The following TYSND1 variants were observed in gnomAD, a reference collection of about 807,000 sequenced individuals.
TYSND1 encodes trypsin like peroxisomal matrix peptidase 1.
Under a neutral mutation model 37.2 loss-of-function variants are expected in TYSND1, and 30 were observed. That is an observed-to-expected ratio of 0.81 (90% CI 0.60 to 1.09). The LOEUF (loss-of-function observed/expected upper bound fraction) is 1.09, where lower values mean the gene tolerates loss of function less well. Among genes scored for constraint, TYSND1 ranks in the 50% least tolerant of loss-of-function variants. The pLI is 0.00. For missense variants in TYSND1, 806 were observed against 817.4 expected, an observed-to-expected ratio of 0.99 and a Z score of 0.17; for synonymous variants, 364 against 383.8, an observed-to-expected ratio of 0.95 and a Z score of 0.60.
chr10:70,144,511 G>GT, intron 1 of TYSND1: 1 of 987,944 alleles, frequency 1.0e-6, no homozygotes, highest in Non-Finnish European at 1.2e-6. Flanking sequence ...AGCACACGAC[G>GT]TGACAGGCTC....
At chr10:70,140,973 T>G (rs1462227646) in intron 3 of TYSND1, among the ~76,000 whole-genome samples, 1 of 151,526 alleles carries the variant, frequency 6.6e-6, no homozygotes, top group Non-Finnish European at 1.5e-5. Context: ...ATTTACAGTT[T>G]TTTTTTTTGT....
At chr10:70,143,779 C>G in intron 2 of TYSND1, 63 bp downstream of exon 2, 1 of 1,595,310 alleles carries the variant, frequency 6.3e-7, no homozygotes, top group Non-Finnish European at 8.5e-7. Flanking sequence ...CACTGATTCT[C>G]CTTCCTGAGG....
In TYSND1 at chr10:70,140,041, C is replaced by T. The variant is rs1032120159; in HGVS notation, c.1584G>A (p.Gln528=). The T allele has an allele frequency of 6.2e-7, 1 of 1,614,196 alleles. No individual in the cohort carries two copies. Among genetic ancestry groups the T allele is most frequent in the Non-Finnish European group, 8.5e-7 (1 of 1,180,008 alleles). ...CACCTAGGTCTTGGGTCTGGCTGTA[C>T]TGCTGCAGGGCCGGCTGGAGCACCG... ...PITVLQPALQ[Q]YSQTQDLGGL... is the part of the protein sequence containing the mutation. The change falls in exon 4 of 4, where the codon CAG becomes CAA. Residue 528 remains glutamine (Q), a synonymous_variant. Coordinates refer to ENST00000287078, the MANE Select transcript of TYSND1 (RefSeq NM_173555.4).
intron 1 of TYSND1, chr10:70,144,217 T>C (rs1380319956): frequency 7.6e-6 from 4 of 524,616 alleles, no homozygotes; most frequent in Non-Finnish European, 1.3e-5. Context: ...GTGAGCACTG[T>C]GGGCCAGGTT....
chr10:70,143,727 G>GGACCTT, intron 2 of TYSND1, 115 bp downstream of exon 2: 1 of 1,337,280 alleles, frequency 7.5e-7, no homozygotes, highest in Non-Finnish European at 1.0e-6. Flanking sequence ...AGGCCTCCAA[G>GGACCTT]GACCTTGACC....
In TYSND1 at chr10:70,142,795, C is replaced by T; in HGVS notation, c.1356G>A (p.Val452=). ...GVFGQSCGPS[V]TSGILSAVVQ... ...CCACAGCCGAAAGGATGCCTGAGGTCACCGAGGGCCCGCAAGACTGGCCAA... is the reference window on the plus strand; with the variant it reads ...CCACAGCCGAAAGGATGCCTGAGGTTACCGAGGGCCCGCAAGACTGGCCAA... Residue 452 remains valine, a synonymous_variant, in exon 3 of 4, where the codon GTG becomes GTA. Coordinates refer to ENST00000287078, the MANE Select transcript of TYSND1 (RefSeq NM_173555.4). 1 of 1,614,146 alleles carries T rather than the reference C, an allele frequency of 6.2e-7. No homozygotes were observed. The highest frequency in any genetic ancestry group is 8.5e-7 in the Non-Finnish European group (1 of 1,180,026).
chr10:70,146,101 CGAGAAGCGCCA>C lies in TYSND1; in HGVS notation c.475_485del (p.Trp159GlufsTer6). On this transcript the variant is annotated frameshift_variant, in exon 1 of 4. Coordinates refer to ENST00000287078, the MANE Select transcript of TYSND1 (RefSeq NM_173555.4). LOFTEE classifies it high-confidence loss of function. ...ACACTTCGTCATCCCGCGCCGCGCT[CGAGAAGCGCCA>C]CTGTTCCGCTGCCTCGTCCCCGAAG... 6.4e-7 allele frequency: 1 copy of C among 1,574,354 alleles called. No individual in the cohort carries two copies. The highest frequency in any genetic ancestry group is 8.6e-7 in the Non-Finnish European group (1 of 1,161,108).
chr10:70,146,675 G>C lies in TYSND1; in HGVS notation c.-89C>G, dbSNP rs1191592298. 7.7e-7 allele frequency: 1 copy of C among 1,295,594 alleles called. No homozygotes were observed. The highest frequency in any genetic ancestry group is 1.0e-6 in the Non-Finnish European group (1 of 988,544). The allele number at this position is 1,295,594 out of a possible 1,614,324, so 80.3% of individuals were successfully genotyped here. On this transcript the variant is annotated 5_prime_UTR_variant, in exon 1 of 4. Coordinates refer to ENST00000287078, the MANE Select transcript of TYSND1 (RefSeq NM_173555.4). ...TACCCGGTCCGGCTGAAGCTGCCTA[G>C]CGCCACCCACAGCTGGAAGCGAGAG...
At chr10:70,144,168 C>T in intron 1 of TYSND1, 196 bp from the exon 2 acceptor site, 1 of 649,658 alleles carries the variant, frequency 1.5e-6, no homozygotes, top group Admixed American at 3.1e-5. Context: ...TGCTACTTCT[C>T]TAAAGCTTCC....
rs779983570 is a variant in TYSND1 at position 70,145,435 on chromosome 10, GCGCA to G, written c.1148_1151del (p.Val383AlafsTer26). On this transcript the variant is annotated frameshift_variant, in exon 1 of 4. Coordinates refer to ENST00000287078, the MANE Select transcript of TYSND1 (RefSeq NM_173555.4). LOFTEE classifies it high-confidence loss of function. The stretch of plus-strand genomic sequence containing the variant: ...TGCGGGCTTACTTGGGGGTGGTGGA[GCGCA>G]CCAGGACCCTGGCTGCTTCCCGAGG... 1 of 1,439,928 alleles carries G rather than the reference GCGCA, an allele frequency of 6.9e-7. No individual in the cohort carries two copies. The highest frequency in any genetic ancestry group is 2.8e-5 in the Admixed American group (1 of 35,410). 89.2% of individuals were successfully genotyped at this position (1,439,928 alleles called of 1,614,324 possible). A position where few individuals can be genotyped will look rare whatever the true frequency, so the allele number is the denominator to read the frequency against.
chr10:70,140,121 G>A lies in TYSND1; in HGVS notation c.1504C>T (p.Arg502Trp), dbSNP rs141886112. Reference protein sequence around the residue: ...NLLGIITSNTRDNNTGATYPH... With the variant: ...NLLGIITSNTWDNNTGATYPH... ...TAGGTGGCCCCCGTATTATTGTCCC[G>A]GGTGTTGCTGGTGATTATGCCTGTT... is the stretch of plus-strand genomic sequence containing the variant. The change falls in exon 4 of 4, where the codon CGG (arginine) becomes TGG (tryptophan). Residue 502 changes from arginine to tryptophan, a missense_variant. Around this residue, in one of 3 missense-constraint regions of TYSND1, gnomAD observed 708 missense variants for 705.4 expected, o/e 1.00. Transcript: ENST00000287078. The A allele has an allele frequency of 2.5e-5, 40 of 1,610,810 alleles. No individual in the cohort carries two copies. Among genetic ancestry groups the A allele is most frequent in the Middle Eastern group, 1.6e-4 (1 of 6,072 alleles).
intron 2 of TYSND1, among the ~76,000 whole-genome samples, chr10:70,143,237 T>A (rs1461612288): frequency 3.9e-5 from 6 of 152,228 alleles, no homozygotes; most frequent in Admixed American, 6.5e-5. Flanking sequence ...GAAATGGTGA[T>A]GATGGCTATA....
chr10:70,145,735 A>C lies in TYSND1; in HGVS notation c.852T>G (p.Cys284Trp), dbSNP rs1839192558. 7.0e-7 allele frequency: 1 copy of C among 1,425,246 alleles called. No homozygotes were observed. Among genetic ancestry groups the C allele is most frequent in the Admixed American group, 3.0e-5 (1 of 33,842 alleles). The allele number at this position is 1,425,246 out of a possible 1,614,324, so 88.3% of individuals were successfully genotyped here. The change falls in exon 1 of 4, where the codon TGT becomes TGG. Residue 284 changes from cysteine to tryptophan, a missense_variant. Physicochemically the swap from Cys to Trp is radical, Grantham distance 215. Transcript: ENST00000287078. ...ALVALVVAPL[C>W]WKAGEWVGFT... ...AGCCCACCCATTCGCCGGCCTTCCA[A>C]CAGAGCGGCGCCACCACCAGCGCCA... is the stretch of plus-strand genomic sequence containing the variant.
In TYSND1 at chr10:70,146,579, C is replaced by A; in HGVS notation, c.8G>T (p.Arg3Met). The change falls in exon 1 of 4, where the codon AGG (arginine) becomes ATG (methionine). Residue 3 changes from arginine to methionine, a missense_variant. Physicochemically the swap from Arg to Met is moderately conservative, Grantham distance 91. This residue lies in a region of TYSND1 where 84 missense variants were observed against 79.0 expected (regional missense o/e 1.06). Transcript: ENST00000287078. ...CGCCCTCATGGCAGACCCCCACTGC[C>A]TTCTCATGGCCTCTAGGCCGGACAC... Reference protein sequence around the residue: MRRQWGSAMRAAE... With the variant: MRMQWGSAMRAAE... 1.3e-6 allele frequency: 2 copies of A among 1,561,626 alleles called. No homozygotes were observed. The highest frequency in any genetic ancestry group is 1.7e-6 in the Non-Finnish European group (2 of 1,162,044).
rs752722001 is a variant in TYSND1 at position 70,142,789 on chromosome 10, T to C, written c.1362A>G (p.Ser454=). ...CCTGCACCACAGCCGAAAGGATGCC[T>C]GAGGTCACCGAGGGCCCGCAAGACT... is the stretch of plus-strand genomic sequence containing the variant. ...FGQSCGPSVT[S]GILSAVVQVN... is the part of the protein sequence containing the mutation. Residue 454 remains serine (S), a synonymous_variant, in exon 3 of 4, where the codon TCA becomes TCG. Transcript: ENST00000287078. 1.2e-5 allele frequency: 19 copies of C among 1,613,972 alleles called. No homozygotes were observed. In the Admixed American group the frequency reaches 2.5e-4, roughly 21 times the overall value.
chr10:70,145,398 T>G (rs376923738), intron 1 of TYSND1, 23 bp downstream of exon 1: 26 of 1,387,342 alleles, frequency 1.9e-5, no homozygotes, highest in Non-Finnish European at 2.4e-5. Context: ...AGGGATGAAG[T>G]GGCGTCAGCC....
At chr10:70,144,129 T>C in intron 1 of TYSND1, 157 bp from the exon 2 acceptor site, 2 of 866,024 alleles carry the variant, frequency 2.3e-6, no homozygotes, top group Non-Finnish European at 3.5e-6. Context: ...AACCATTCTG[T>C]GGTATCTCCA....
Position 70,140,086 on chromosome 10 carries a change from C to G in TYSND1, c.1539G>C (p.Leu513=), listed in dbSNP as rs752958407. Reference sequence around the variant, plus strand: ...GCACCGTGATGGGAATGCTGAAGTTCAGGTGGGGGTAGGTGGCCCCCGTAT... The same window carrying G: ...GCACCGTGATGGGAATGCTGAAGTTGAGGTGGGGGTAGGTGGCCCCCGTAT... ...DNNTGATYPH[L]NFSIPITVLQ... The change falls in exon 4 of 4, where the codon CTG becomes CTC. Residue 513 remains leucine, a synonymous_variant. Transcript: ENST00000287078. The G allele has an allele frequency of 6.2e-7, 1 of 1,614,012 alleles. No homozygotes were observed. Among genetic ancestry groups the G allele is most frequent in the East Asian group, 2.2e-5 (1 of 44,874 alleles).
chr10:70,139,794 T>C lies in TYSND1; in HGVS notation c.*130A>G, dbSNP rs1225973782. 8 of 858,104 alleles carry C rather than the reference T, an allele frequency of 9.3e-6. No homozygotes were observed. The East Asian group carries it at 1.3e-4, about 14-fold the overall frequency. The allele number at this position is 858,104 out of a possible 1,614,324, so 53.2% of individuals were successfully genotyped here. On this transcript the variant is annotated 3_prime_UTR_variant, in exon 4 of 4. Coordinates refer to ENST00000287078, the MANE Select transcript of TYSND1 (RefSeq NM_173555.4). ...AGCCCAAAGCCCAGTCTGCAGTCAGTGGGTGGAGATGAGAGGCAGCCTGGG... is the reference window on the plus strand; with the variant it reads ...AGCCCAAAGCCCAGTCTGCAGTCAGCGGGTGGAGATGAGAGGCAGCCTGGG...
Sources: gnomAD v4.1 joint callset for allele counts (sites outside exome capture counted in the v4.1 genomes callset) on GRCh38, gnomAD v4.1.1 for gene constraint, gnomAD v4.1.1 regional missense constraint, MANE v1.5 for transcripts, NCBI Gene and HGNC (gene_info 2026-07-23, HGNC 2026-07-21) for gene names.